OLA1: variants seen among roughly 807,000 people sequenced by gnomAD.
OLA1 encodes Obg like ATPase 1.
In OLA1, 14 loss-of-function variants were observed where a neutral mutation model predicts 48.4. That is an observed-to-expected ratio of 0.29 (90% CI 0.19 to 0.45). The LOEUF is 0.45. Ranked by LOEUF, OLA1 falls within the 20% of genes least tolerant of loss-of-function variation. The pLI is 1.00. For synonymous variants in OLA1, 127 were observed against 150.4 expected (o/e 0.84, Z 1.14); for missense variants, 325 against 467.1 (o/e 0.70, Z 2.80).
At chr2:174,106,651 T>C (rs1685519650) in intron 7 of OLA1, among the ~76,000 whole-genome samples, 1 of 152,156 alleles carries the variant, frequency 6.6e-6, no homozygotes, top group South Asian at 2.1e-4. Flanking sequence ...GATTGGAGCC[T>C]AGTAGATTAC....
intron 5 of OLA1, among the ~76,000 whole-genome samples, chr2:174,123,884 C>T (rs1038246588): frequency 5.3e-5 from 8 of 151,882 alleles, no homozygotes; most frequent in Non-Finnish European, 1.0e-4. Context: ...ATAAAATGGA[C>T]AATATTAGCA....
chr2:174,107,932 G>A (rs1043557497), intron 7 of OLA1, among the ~76,000 whole-genome samples: 4 of 151,986 alleles, frequency 2.6e-5, no homozygotes, highest in Admixed American at 6.6e-5. Flanking sequence ...GAAAGATAGA[G>A]GGGCTTAAAA....
intron 7 of OLA1, among the ~76,000 whole-genome samples, chr2:174,087,023 CT>C (rs1558946907): frequency 6.7e-6 from 1 of 149,474 alleles, no homozygotes; most frequent in East Asian, 1.9e-4. Flanking sequence ...TATATTCTTT[CT>C]TTTTTTCTTT....
Position 174,123,682 on chromosome 2 carries a change from A to T in OLA1, c.550-7T>A. On this transcript the variant is annotated splice_region_variant and splice_polypyrimidine_tract_variant and intron_variant, in intron 5 of 10. Transcript: ENST00000284719. Reference sequence around the variant, plus strand: ...TTACTTTGCACATTATATCCTACACATGATTGAGAAAAAGGTAAATATATA... The same window carrying T: ...TTACTTTGCACATTATATCCTACACTTGATTGAGAAAAAGGTAAATATATA... The T allele has an allele frequency of 1.3e-6, 2 of 1,481,950 alleles. No individual in the cohort carries two copies. Among genetic ancestry groups the T allele is most frequent in the Non-Finnish European group, 1.8e-6 (2 of 1,093,454 alleles). The allele number at this position is 1,481,950 out of a possible 1,614,324, so 91.8% of individuals were successfully genotyped here. A position where few individuals can be genotyped will look rare whatever the true frequency, so the allele number is the denominator to read the frequency against.
At chr2:174,244,553 A>G (rs1325358184) in intron 2 of OLA1, among the ~76,000 whole-genome samples, 2 of 152,176 alleles carry the variant, frequency 1.3e-5, no homozygotes, top group Admixed American at 1.3e-4. Flanking sequence ...ACCTAATGCA[A>G]TGTAAATGAT....
At chr2:174,118,248 A>G (rs1435666575) in intron 7 of OLA1, among the ~76,000 whole-genome samples, 1 of 152,218 alleles carries the variant, frequency 6.6e-6, no homozygotes, top group Non-Finnish European at 1.5e-5. Flanking sequence ...ATTCGGGCAG[A>G]GACAAAAATC....
At chr2:174,247,897 A>G (rs1457966994) in intron 1 of OLA1, 34 of 1,154,142 alleles carry the variant, frequency 2.9e-5, no homozygotes, top group Non-Finnish European at 3.9e-5. Flanking sequence ...TGCAAAGTGA[A>G]ATCACAAAGA....
At chr2:174,164,593 G>T (rs1189530216) in intron 4 of OLA1, among the ~76,000 whole-genome samples, 2 of 152,074 alleles carry the variant, frequency 1.3e-5, no homozygotes, top group Non-Finnish European at 2.9e-5. Context: ...TTCCAGTCAA[G>T]AATCAAAGTA....
intron 7 of OLA1, among the ~76,000 whole-genome samples, chr2:174,122,611 T>A (rs1342989372): frequency 1.3e-5 from 2 of 152,190 alleles, no homozygotes; most frequent in Non-Finnish European, 2.9e-5. Context: ...TTATCAGTGA[T>A]AGTAACAAAT....
intron 4 of OLA1, among the ~76,000 whole-genome samples, chr2:174,219,491 G>A (rs539109739): frequency 2.1e-5 from 3 of 141,082 alleles, no homozygotes; most frequent in Admixed American, 7.5e-5. Flanking sequence ...GTGCAGTGGC[G>A]CAATGTTGGC....
intron 7 of OLA1, among the ~76,000 whole-genome samples, chr2:174,119,940 A>AC (rs1558962819): frequency 7.7e-6 from 1 of 129,674 alleles, no homozygotes; most frequent in African/African-American, 2.7e-5. Flanking sequence ...ATGTGTGTAT[A>AC]ACACACACAC....
intron 1 of OLA1, chr2:174,247,974 C>T: frequency 1.7e-6 from 1 of 598,596 alleles, no homozygotes; most frequent in Non-Finnish European, 2.8e-6. Flanking sequence ...AGAGTTGTAC[C>T]TCCTAGGACC....
At chr2:174,247,027 A>C (rs769907056) in intron 1 of OLA1, 2 of 343,502 alleles carry the variant, frequency 5.8e-6, no homozygotes, top group Non-Finnish European at 1.1e-5. Context: ...CAAAAGAGTC[A>C]TTGCTGAGAA....
intron 5 of OLA1, 141 bp from the exon 6 acceptor site, chr2:174,123,816 AAT>A (rs1189883813): frequency 2.4e-6 from 1 of 411,498 alleles, no homozygotes; most frequent in African/African-American, 2.1e-5. Flanking sequence ...AATTATTTTC[AAT>A]ATCTCATTTA....
intron 4 of OLA1, among the ~76,000 whole-genome samples, chr2:174,210,182 T>C (rs1178458675): frequency 1.3e-5 from 2 of 152,192 alleles, no homozygotes; most frequent in South Asian, 2.1e-4. Flanking sequence ...TTTCACTTTC[T>C]ACATTATATC....
At chr2:174,203,186 G>A (rs751282782) in intron 4 of OLA1, among the ~76,000 whole-genome samples, 3 of 151,912 alleles carry the variant, frequency 2.0e-5, no homozygotes, top group Non-Finnish European at 4.4e-5. Flanking sequence ...AAGTAAAATA[G>A]GCCAGTCTCC....
At chr2:174,128,055 T>C (rs1443230322) in intron 5 of OLA1, among the ~76,000 whole-genome samples, 1 of 151,322 alleles carries the variant, frequency 6.6e-6, no homozygotes, top group Admixed American at 6.6e-5. Flanking sequence ...CTATAGTAAT[T>C]AGAATAGTAT....
At chr2:174,103,206 C>T (rs761973692) in intron 7 of OLA1, among the ~76,000 whole-genome samples, 2 of 151,888 alleles carry the variant, frequency 1.3e-5, no homozygotes, top group African/African-American at 4.8e-5. Context: ...GTGTATTTGG[C>T]TAATAGCATA....
intron 4 of OLA1, among the ~76,000 whole-genome samples, chr2:174,191,197 G>A (rs60360145): frequency 0.026 from 3,997 of 151,920 alleles, 169 homozygotes; most frequent in African/African-American, 0.09. Flanking sequence ...ATACATATAC[G>A]AAAACATCAT....
Sources: allele counts gnomAD v4.1 joint callset (sites outside exome capture counted in the v4.1 genomes callset), GRCh38; gene constraint gnomAD v4.1.1; transcripts MANE v1.5; gene names NCBI Gene and HGNC (gene_info 2026-07-23, HGNC 2026-07-21).